Variants in USP40 observed in about 807,000 individuals in gnomAD.
USP40 encodes ubiquitin specific peptidase 40, also known as ubiquitin carboxyl-terminal hydrolase 40.
In USP40, 143 loss-of-function variants were observed where a neutral mutation model predicts 166.2. The observed-to-expected ratio is 0.86, with a 90% CI of 0.75 to 0.99. The LOEUF (loss-of-function observed/expected upper bound fraction) is 0.99, where lower values mean the gene tolerates loss of function less well. Ranked by LOEUF, USP40 falls within the 50% of genes least tolerant of loss-of-function variation. The probability of loss-of-function intolerance (pLI) is 0.00; values close to 1 mark genes in which losing one functional copy is unlikely to be tolerated. For synonymous variants in USP40, 498 were observed against 524.0 expected, an observed-to-expected ratio of 0.95 and a Z score of 0.68; for missense variants, 1,444 against 1,479.7, an observed-to-expected ratio of 0.98 and a Z score of 0.40.
In USP40 at chr2:233,559,851, G is replaced by A. The variant is rs1242014041; in HGVS notation, c.341C>T (p.Thr114Ile). The A allele has an allele frequency of 5.0e-6, 8 of 1,610,472 alleles. No individual in the cohort carries two copies. Among genetic ancestry groups the A allele is most frequent in the Non-Finnish European group, 6.8e-6 (8 of 1,178,492 alleles). Residue 114 changes from threonine (T) to isoleucine (I), a missense_variant, in exon 4 of 32, where the codon ACA becomes ATA. By Grantham distance (89) the Thr-to-Ile change is moderately conservative. Transcript: ENST00000678225. Reference protein sequence around the residue: ...LLLLDQEAASTADLTDSFGWT... With the variant: ...LLLLDQEAASIADLTDSFGWT... ...CCCAAAGCTGTCAGTGAGGTCTGCT[G>A]TGGATGCAGCTTCCTGGTCTAAGAG...
rs2065939682 is a variant in USP40, at chr2:233,499,511, T to C, written c.2650+368A>G. Among the ~76,000 whole-genome samples, 3 of 152,346 alleles carry C rather than the reference T, an allele frequency of 2.0e-5. No individual in the cohort carries two copies. In the South Asian group the frequency reaches 6.2e-4, roughly 32 times the overall value. On this transcript the variant is annotated intron_variant, in intron 22 of 31. Transcript: ENST00000678225. ...TTATAATAGAATACTTTATATTCCT[T>C]TGGGTATATACCCAGTAATGGGATT...
chr2:233,499,505 A>G (rs1368665973), intron 22 of USP40, among the ~76,000 whole-genome samples: 3 of 152,202 alleles, frequency 2.0e-5, no homozygotes, highest in African/African-American at 7.2e-5. Flanking sequence ...AATACTTTAT[A>G]TTCCTTTGGG....
chr2:233,534,352 ATT>A (rs2125283251), intron 10 of USP40, among the ~76,000 whole-genome samples: 2 of 152,266 alleles, frequency 1.3e-5, no homozygotes, highest in East Asian at 3.9e-4. Flanking sequence ...GAAGAAAAAA[ATT>A]TCTTTCTCCA....
chr2:233,546,413 T>A (rs2069949303), intron 8 of USP40: 1 of 152,118 alleles, frequency 6.6e-6, no homozygotes, highest in Non-Finnish European at 1.5e-5. Context: ...ATTTTATGCA[T>A]CAAAAAACTG....
At chr2:233,562,899 A>G in intron 2 of USP40, 96 bp from the exon 3 acceptor site, 1 of 861,292 alleles carries the variant, frequency 1.2e-6, no homozygotes, top group Non-Finnish European at 1.7e-6. Context: ...AAAATCAAGT[A>G]GATTCAGAAA....
chr2:233,523,932 C>T (rs1233478721), intron 15 of USP40, among the ~76,000 whole-genome samples: 1 of 152,196 alleles, frequency 6.6e-6, no homozygotes, highest in Non-Finnish European at 1.5e-5. Flanking sequence ...CAGTTCTTCA[C>T]ACGACGAGGG....
Position 233,496,763 on chromosome 2 carries a change from G to A in USP40, c.2785C>T (p.Pro929Ser), listed in dbSNP as rs757880320. Reference sequence around the variant, plus strand: ...ATTCAGAAGTAAAATCTTACCAGAGGAGGAAGTTGTCCTTCAATTAAAAGC... The same window carrying A: ...ATTCAGAAGTAAAATCTTACCAGAGAAGGAAGTTGTCCTTCAATTAAAAGC... ...TLLLIEGQLP[P>S]LGFLKVPIWW... is the part of the protein sequence containing the mutation. Residue 929 changes from proline (P) to serine (S), a missense_variant, in exon 24 of 32, where the codon CCT becomes TCT. Physicochemically the swap from Pro to Ser is moderately conservative, Grantham distance 74 (BLOSUM62 -1). Transcript: ENST00000678225. 1 of 1,611,860 alleles carries A rather than the reference G, an allele frequency of 6.2e-7. No individual in the cohort carries two copies. Among genetic ancestry groups the A allele is most frequent in the South Asian group, 1.1e-5 (1 of 90,974 alleles).
At chr2:233,513,879 C>G (rs2066995707) in intron 18 of USP40, among the ~76,000 whole-genome samples, 1 of 152,108 alleles carries the variant, frequency 6.6e-6, no homozygotes, top group East Asian at 1.9e-4. Flanking sequence ...GTTGAGTGTT[C>G]TGTATAGACA....
At position 233,486,801 on chromosome 2, in the gene USP40, GC is replaced by G. The variant is rs1157182516; in HGVS notation, c.3198-825del. Among the ~76,000 whole-genome samples, 3 of 152,236 alleles carry G rather than the reference GC, an allele frequency of 2.0e-5. No individual in the cohort carries two copies. The highest frequency in any genetic ancestry group is 4.4e-5 in the Non-Finnish European group (3 of 68,036). On this transcript the variant is annotated intron_variant, in intron 28 of 31. Coordinates refer to ENST00000678225, the MANE Select transcript of USP40 (RefSeq NM_001365479.2). The surrounding 1 kb of genome is among the most constrained non-coding windows in gnomAD (Gnocchi z 4.0). Reference sequence around the variant, plus strand: ...AGAGTGCAAGAGCAGAGGCTGCACAGCCCCATGTCCCCATGGGGGAGGGGGC... The same window carrying G: ...AGAGTGCAAGAGCAGAGGCTGCACAGCCCATGTCCCCATGGGGGAGGGGGC...
intron 31 of USP40, among the ~76,000 whole-genome samples, chr2:233,478,487 A>T (rs993577736): frequency 6.6e-6 from 1 of 152,212 alleles, no homozygotes; most frequent in Non-Finnish European, 1.5e-5. Flanking sequence ...TGAACTGTTC[A>T]TACCCTTTAC....
At chr2:233,497,363 A>G (rs1424293252) in intron 23 of USP40, among the ~76,000 whole-genome samples, 4 of 152,218 alleles carry the variant, frequency 2.6e-5, no homozygotes, top group African/African-American at 9.6e-5. Context: ...TTCCAGATCA[A>G]TCTGGCTGCA....
chr2:233,533,490 C>CT lies in USP40; in HGVS notation c.1459dup (p.Arg487LysfsTer4). The CT allele has an allele frequency of 6.2e-7, 1 of 1,612,896 alleles. No homozygotes were observed. Among genetic ancestry groups the CT allele is most frequent in the South Asian group, 1.1e-5 (1 of 90,986 alleles). On this transcript the variant is annotated frameshift_variant, in exon 11 of 32. Transcript: ENST00000678225. LOFTEE classifies it high-confidence loss of function. The stretch of plus-strand genomic sequence containing the variant: ...TTTTCTTTCCATACCTTCAGGGGGT[C>CT]TCTGCAACTGGGATTTCCGATAAAA...
At chr2:233,518,621 T>C (rs1415370856) in intron 18 of USP40, among the ~76,000 whole-genome samples, 1 of 149,200 alleles carries the variant, frequency 6.7e-6, no homozygotes, top group East Asian at 2.0e-4. Flanking sequence ...GACAAGGACA[T>C]GTAGAAACTG....
chr2:233,549,331 C>A, intron 7 of USP40, 102 bp from the exon 8 acceptor site: 1 of 767,858 alleles, frequency 1.3e-6, no homozygotes, highest in Non-Finnish European at 1.9e-6. Flanking sequence ...TAAGAAACTT[C>A]ACTGTTTGTT....
rs34026756 is a variant in USP40, at chr2:233,489,419, G to A, written c.3077C>T (p.Thr1026Met). The stretch of plus-strand genomic sequence containing the variant: ...CCTGCCTGGGCGCTTCCTCTCCACC[G>A]TCCAGGCTCTGAGGTGGGCTGGGGA... ...VPSPAHLRAWTVERKRPGRLL... is the reference protein window; with the variant it reads ...VPSPAHLRAWMVERKRPGRLL... Residue 1026 changes from threonine (T) to methionine (M), a missense_variant, in exon 27 of 32, where the codon ACG (threonine) becomes ATG (methionine). Thr to Met is a moderately conservative substitution (Grantham distance 81, BLOSUM62 -1). Coordinates refer to ENST00000678225, the MANE Select transcript of USP40 (RefSeq NM_001365479.2). The A allele has an allele frequency of 3.6e-3, 5,720 of 1,606,340 alleles. 161 individuals are homozygous for A. The African/African-American group carries it at 0.064, about 18-fold the overall frequency.
chr2:233,553,209 A>G (rs1345006611), intron 6 of USP40, among the ~76,000 whole-genome samples: 2 of 152,248 alleles, frequency 1.3e-5, no homozygotes, highest in Non-Finnish European at 2.9e-5. Flanking sequence ...GTATTTAGCA[A>G]TTAACTAGCA....
At chr2:233,566,626 C>T (rs1036633943) in intron 1 of USP40, 58 bp downstream of exon 1, 14 of 939,338 alleles carry the variant, frequency 1.5e-5, no homozygotes, top group African/African-American at 1.8e-5. Context: ...GGGCCACCAA[C>T]ACTGTCCCTA....
At chr2:233,543,727 TC>T (rs1315738993) in intron 8 of USP40, among the ~76,000 whole-genome samples, 1 of 152,190 alleles carries the variant, frequency 6.6e-6, no homozygotes, top group African/African-American at 2.4e-5. Flanking sequence ...AATCTTGACT[TC>T]CCAGCCTCCA....
At position 233,477,097 on chromosome 2, in the gene USP40, T is replaced by C. The variant is rs112275817; in HGVS notation, c.*295A>G. The C allele has an allele frequency of 5.3e-3, 2,199 of 411,580 alleles. 52 individuals carry two copies. Among genetic ancestry groups the C allele is most frequent in the African/African-American group, 0.04 (1,972 of 48,934 alleles). The allele number at this position is 411,580 out of a possible 1,614,324, so 25.5% of individuals were successfully genotyped here. A position where few individuals can be genotyped will look rare whatever the true frequency, so the allele number is the denominator to read the frequency against. On this transcript the variant is annotated 3_prime_UTR_variant, in exon 32 of 32. Transcript: ENST00000678225. The stretch of plus-strand genomic sequence containing the variant: ...GTTCACGCACACGTTGTGCATTTTC[T>C]GGTTAAAAGAAAAAAAAAGGCAGCT...
Sources: gnomAD v4.1 joint callset for allele counts (sites outside exome capture counted in the v4.1 genomes callset) on GRCh38, gnomAD v4.1.1 for gene constraint, Gnocchi (gnomAD v3.1) non-coding constraint, MANE v1.5 for transcripts, NCBI Gene and HGNC (gene_info 2026-07-23, HGNC 2026-07-21) for gene names.